The following DPYD variants were observed in gnomAD, a reference collection of about 807,000 sequenced individuals.
The protein encoded by DPYD is dihydropyrimidine dehydrogenase [NADP(+)].
In DPYD, 109 loss-of-function variants were observed where a neutral mutation model predicts 116.2. The ratio of observed to expected loss-of-function variants is 0.94; its 90% CI spans 0.80 to 1.10. The LOEUF (loss-of-function observed/expected upper bound fraction) is 1.10, where lower values mean the gene tolerates loss of function less well. Ranked by LOEUF, DPYD falls within the 50% of genes least tolerant of loss-of-function variation. The probability of loss-of-function intolerance (pLI) is 0.00; values close to 1 mark genes in which losing one functional copy is unlikely to be tolerated. For synonymous variants in DPYD, 440 were observed against 432.0 expected, an observed-to-expected ratio of 1.02 and a Z score of -0.23; for missense variants, 1,302 against 1,254.5, an observed-to-expected ratio of 1.04 and a Z score of -0.57.
At chr1:97,853,679 G>C (rs1048194894) in intron 2 of DPYD, among the ~76,000 whole-genome samples, 1 of 152,078 alleles carries the variant, frequency 6.6e-6, no homozygotes, top group Non-Finnish European at 1.5e-5. Flanking sequence ...ATTATCTTCA[G>C]ACTAACACTT....
intron 1 of DPYD, among the ~76,000 whole-genome samples, chr1:97,894,783 A>G (rs1672969127): frequency 1.3e-5 from 2 of 151,690 alleles, no homozygotes; most frequent in Admixed American, 1.3e-4. Flanking sequence ...ATAAAATGGG[A>G]TAACCTATAC....
intron 3 of DPYD, 111 bp downstream of exon 3, chr1:97,828,003 C>G: frequency 5.6e-6 from 6 of 1,062,798 alleles, no homozygotes; most frequent in Non-Finnish European, 7.1e-6. Flanking sequence ...AAATTAATAC[C>G]TTAGAGAACA....
intron 18 of DPYD, among the ~76,000 whole-genome samples, chr1:97,283,387 G>A (rs990306140): frequency 7.9e-5 from 12 of 151,924 alleles, no homozygotes; most frequent in African/African-American, 2.9e-4. Context: ...TTTTGAAATT[G>A]GTTTAAATAA....
At chr1:97,541,183 G>T (rs1356072767) in intron 12 of DPYD, among the ~76,000 whole-genome samples, 1 of 152,076 alleles carries the variant, frequency 6.6e-6, no homozygotes, top group Non-Finnish European at 1.5e-5. Context: ...TTTATTAGTT[G>T]AGTTGTCTAC....
intron 20 of DPYD, among the ~76,000 whole-genome samples, chr1:97,157,580 G>A (rs920770533): frequency 1.3e-5 from 2 of 152,052 alleles, no homozygotes; most frequent in African/African-American, 2.4e-5. Context: ...TCATTTCCAT[G>A]GTGACTGAAT....
intron 3 of DPYD, among the ~76,000 whole-genome samples, chr1:97,804,487 T>C (rs902782802): frequency 1.3e-5 from 2 of 151,938 alleles, no homozygotes; most frequent in African/African-American, 4.8e-5. Flanking sequence ...AATGAAAACA[T>C]TTATTTCATA....
At chr1:97,630,722 G>A (rs182024656) in intron 8 of DPYD, among the ~76,000 whole-genome samples, 3 of 152,228 alleles carry the variant, frequency 2.0e-5, no homozygotes, top group African/African-American at 7.2e-5. Context: ...TCTCCAGTAA[G>A]AAAGTATGGT....
In DPYD at chr1:97,246,869, A is replaced by G. The variant is rs541037409; in HGVS notation, c.2300-11875T>C. ...ATAAAAATAATATTCCTATTTTAAT[A>G]GCAATTGTTAATTATTAATAAATTA... On this transcript the variant is annotated intron_variant, in intron 18 of 22. Coordinates refer to ENST00000370192, the MANE Select transcript of DPYD (RefSeq NM_000110.4). Among the ~76,000 whole-genome samples the G allele has an allele frequency of 2.6e-5, 4 of 152,288 alleles. No individual in the cohort carries two copies. The South Asian group carries it at 8.3e-4, about 32-fold the overall frequency.
At chr1:97,812,579 C>T (rs1351499795) in intron 3 of DPYD, among the ~76,000 whole-genome samples, 1 of 151,906 alleles carries the variant, frequency 6.6e-6, no homozygotes, top group Non-Finnish European at 1.5e-5. Flanking sequence ...ATCTACTATG[C>T]TATATATTTA....
intron 11 of DPYD, among the ~76,000 whole-genome samples, chr1:97,567,104 G>A (rs1251454466): frequency 6.6e-6 from 1 of 151,306 alleles, no homozygotes; most frequent in Non-Finnish European, 1.5e-5. Flanking sequence ...AAGAATCTTA[G>A]CAGGCCATTT....
chr1:97,294,393 T>A (rs1666394434), intron 18 of DPYD, among the ~76,000 whole-genome samples: 1 of 151,868 alleles, frequency 6.6e-6, no homozygotes, highest in Non-Finnish European at 1.5e-5. Flanking sequence ...GTATAGGTTT[T>A]TTAAATCTCA....
intron 19 of DPYD, among the ~76,000 whole-genome samples, chr1:97,219,113 T>G (rs988556061): frequency 6.6e-6 from 1 of 152,122 alleles, no homozygotes; most frequent in Non-Finnish European, 1.5e-5. Context: ...ATAATAAGCT[T>G]ATAATTCAGT....
intron 2 of DPYD, among the ~76,000 whole-genome samples, chr1:97,874,268 T>C (rs918382649): frequency 6.6e-6 from 1 of 151,938 alleles, no homozygotes; most frequent in African/African-American, 2.4e-5. Flanking sequence ...ATGGAAAGAA[T>C]ATATGAGAAA....
At chr1:97,118,072 CT>C (rs1652121126) in intron 20 of DPYD, among the ~76,000 whole-genome samples, 1 of 152,048 alleles carries the variant, frequency 6.6e-6, no homozygotes, top group South Asian at 2.1e-4. Context: ...TACATTTTTG[CT>C]TCCTTTTTGC....
At chr1:97,257,814 C>T (rs1257547519) in intron 18 of DPYD, among the ~76,000 whole-genome samples, 2 of 151,898 alleles carry the variant, frequency 1.3e-5, no homozygotes, top group South Asian at 2.1e-4. Flanking sequence ...TAGACATTAT[C>T]CCTGTCTTTA....
chr1:97,499,822 G>A (rs572004445), intron 13 of DPYD, among the ~76,000 whole-genome samples: 1 of 152,028 alleles, frequency 6.6e-6, no homozygotes, highest in South Asian at 2.1e-4. Context: ...ACACAATAGT[G>A]TAAGTCAATC....
chr1:97,704,492 T>C (rs1661791057), intron 5 of DPYD, among the ~76,000 whole-genome samples: 1 of 151,994 alleles, frequency 6.6e-6, no homozygotes, highest in African/African-American at 2.4e-5. Context: ...TAAAACAAAT[T>C]ACAAAATTTA....
At chr1:97,683,720 T>C (rs1000808415) in intron 7 of DPYD, among the ~76,000 whole-genome samples, 6 of 152,038 alleles carry the variant, frequency 3.9e-5, no homozygotes, top group East Asian at 1.9e-4. Flanking sequence ...CTATAAATGA[T>C]CCTTTGGTGT....
intron 3 of DPYD, among the ~76,000 whole-genome samples, chr1:97,752,113 T>C (rs905025386): frequency 2.0e-5 from 3 of 152,012 alleles, no homozygotes; most frequent in Admixed American, 1.3e-4. Flanking sequence ...GCAACAGTGA[T>C]TGCCATTATT....
Sources: allele counts gnomAD v4.1 joint callset (sites outside exome capture counted in the v4.1 genomes callset), GRCh38; gene constraint gnomAD v4.1.1; transcripts MANE v1.5; gene names NCBI Gene and HGNC (gene_info 2026-07-23, HGNC 2026-07-21).